Variants in NEDD9 observed in about 807,000 individuals in gnomAD.
The protein encoded by NEDD9 is neural precursor cell expressed, developmentally down-regulated 9.
A neutral mutation model predicts 76.6 loss-of-function variants in NEDD9; 26 were observed. The observed-to-expected ratio is 0.34, with a 90% CI of 0.25 to 0.47. The LOEUF (loss-of-function observed/expected upper bound fraction) is 0.47. Among genes scored for constraint, NEDD9 ranks in the 20% least tolerant of loss-of-function variants. NEDD9 has a pLI of 1.00. For missense variants in NEDD9, 937 were observed against 1,058.5 expected (o/e 0.89, Z 1.59); for synonymous variants, 392 against 414.2 (o/e 0.95, Z 0.65).
At chr6:11,238,567 G>A (rs998479321) in intron 3 of NEDD9, among the ~76,000 whole-genome samples, 4 of 152,222 alleles carry the variant, frequency 2.6e-5, no homozygotes, top group Non-Finnish European at 4.4e-5. Flanking sequence ...GAGCCTGTGC[G>A]TATGTAGTTC....
At chr6:11,329,825 A>G (rs1202150264) in intron 2 of NEDD9, among the ~76,000 whole-genome samples, 1 of 152,118 alleles carries the variant, frequency 6.6e-6, no homozygotes, top group African/African-American at 2.4e-5. Context: ...TAAACATCCT[A>G]TAATGCACAG....
chr6:11,362,380 C>A (rs1762694049), intron 1 of NEDD9, among the ~76,000 whole-genome samples: 1 of 152,188 alleles, frequency 6.6e-6, no homozygotes, highest in Non-Finnish European at 1.5e-5. Flanking sequence ...ATTCCATTTT[C>A]ATCCCTCTCT....
At chr6:11,280,897 C>T (rs542689588) in intron 3 of NEDD9, among the ~76,000 whole-genome samples, 25 of 152,300 alleles carry the variant, frequency 1.6e-4, no homozygotes, top group African/African-American at 5.8e-4. Flanking sequence ...CTGAGTGTGT[C>T]CTGTATGTCT....
intron 2 of NEDD9, among the ~76,000 whole-genome samples, chr6:11,333,432 G>A (rs1350020879): frequency 1.3e-5 from 2 of 152,186 alleles, no homozygotes; most frequent in Non-Finnish European, 2.9e-5. Flanking sequence ...AAATGAATAC[G>A]CTTTATTATT....
At chr6:11,278,051 T>A (rs575715530) in intron 3 of NEDD9, among the ~76,000 whole-genome samples, 1 of 151,810 alleles carries the variant, frequency 6.6e-6, no homozygotes, top group Admixed American at 6.6e-5. Context: ...AGAATGGGAG[T>A]CGGGTGCTTC....
intron 3 of NEDD9, among the ~76,000 whole-genome samples, chr6:11,296,448 G>C (rs936716751): frequency 2.6e-5 from 4 of 152,174 alleles, no homozygotes; most frequent in Non-Finnish European, 5.9e-5. Context: ...GGATAATCAT[G>C]TTTTTAGAGA....
intron 3 of NEDD9, among the ~76,000 whole-genome samples, chr6:11,300,339 G>C (rs1761016187): frequency 6.6e-6 from 1 of 152,154 alleles, no homozygotes; most frequent in Non-Finnish European, 1.5e-5. Flanking sequence ...AATGAACAAA[G>C]CCTCCAGGAA....
intron 3 of NEDD9, among the ~76,000 whole-genome samples, chr6:11,268,451 G>A (rs751595777): frequency 9.9e-5 from 15 of 152,078 alleles, no homozygotes; most frequent in Non-Finnish European, 1.8e-4. Context: ...TTACCAGCTG[G>A]GTGCAGTGGC....
intron 6 of NEDD9, among the ~76,000 whole-genome samples, chr6:11,185,946 T>A (rs918327692): frequency 6.6e-6 from 1 of 152,228 alleles, no homozygotes; most frequent in African/African-American, 2.4e-5. Flanking sequence ...ACCGCAGCCC[T>A]GTTACCTACA....
chr6:11,333,549 C>G (rs1488944834), intron 2 of NEDD9, among the ~76,000 whole-genome samples: 1 of 152,218 alleles, frequency 6.6e-6, no homozygotes, highest in African/African-American at 2.4e-5. Flanking sequence ...GGCATGCCCT[C>G]CCAGAATGCA....
intron 2 of NEDD9, among the ~76,000 whole-genome samples, chr6:11,308,705 T>C (rs1256590980): frequency 6.6e-6 from 1 of 152,162 alleles, no homozygotes; most frequent in Non-Finnish European, 1.5e-5. Flanking sequence ...TAGTTTAATT[T>C]ATAATTTTAC....
chr6:11,234,413 T>C (rs1251524002), upstream of NEDD9, among the ~76,000 whole-genome samples: 1 of 152,234 alleles, frequency 6.6e-6, no homozygotes, highest in Non-Finnish European at 1.5e-5. Flanking sequence ...GTGGTCAAGC[T>C]GAATCCTTTT....
rs144997679 is a variant in NEDD9, at chr6:11,238,119, G to A, written c.13-24392C>T. 6.4e-4 allele frequency among the ~76,000 whole-genome samples: 97 copies of A among 152,230 alleles called. 1 individual carries two copies. Among genetic ancestry groups the A allele is most frequent in the African/African-American group, 2.2e-3 (91 of 41,524 alleles). ...ACTCTTGGTTCATTCAGCCTTCACC[G>A]AAACCCTCCGAGGTGCCAGGCCCTG... On this transcript the variant is annotated intron_variant, in intron 3 of 3. Coordinates refer to the NEDD9 transcript ENST00000397378.
At chr6:11,233,231 A>G (rs897741195), upstream of NEDD9, 1 of 518,538 alleles carries the variant, frequency 1.9e-6, no homozygotes, top group African/African-American at 1.9e-5. Context: ...GTTCTTTTCA[A>G]CGTTCAAAGT....
At chr6:11,195,823 C>T (rs1052853686) in intron 2 of NEDD9, among the ~76,000 whole-genome samples, 2 of 152,054 alleles carry the variant, frequency 1.3e-5, no homozygotes, top group African/African-American at 4.8e-5. Context: ...GGTGAAACTC[C>T]GTCTTTACTA....
chr6:11,244,811 A>G (rs1033824090), intron 3 of NEDD9, among the ~76,000 whole-genome samples: 3 of 152,220 alleles, frequency 2.0e-5, no homozygotes, highest in Non-Finnish European at 4.4e-5. Context: ...AAAAAGAAGC[A>G]AAGGCATTTA....
chr6:11,232,455 A>T, intron 1 of NEDD9, 49 bp downstream of exon 1: 3 of 1,610,746 alleles, frequency 1.9e-6, no homozygotes, highest in Non-Finnish European at 2.5e-6. Context: ...ACACACCCGC[A>T]GGCACAGCTT....
At chr6:11,203,761 C>T (rs934280471) in intron 2 of NEDD9, among the ~76,000 whole-genome samples, 2 of 152,116 alleles carry the variant, frequency 1.3e-5, no homozygotes, top group African/African-American at 4.8e-5. Context: ...CCAGGTCTGT[C>T]AAACACTGAT....
chr6:11,294,006 AGTGT>A (rs57803150), intron 3 of NEDD9, among the ~76,000 whole-genome samples: 6 of 150,956 alleles, frequency 4.0e-5, no homozygotes, highest in East Asian at 2.0e-4. Context: ...CCATTGTGTA[AGTGT>A]GTGTGTGTGT....
Sources: gnomAD v4.1 joint callset for allele counts (sites outside exome capture counted in the v4.1 genomes callset) on GRCh38, gnomAD v4.1.1 for gene constraint, MANE v1.5 for transcripts, NCBI Gene and HGNC (gene_info 2026-07-23, HGNC 2026-07-21) for gene names.